Variants in PXDNL observed in about 807,000 individuals in gnomAD.
PXDNL encodes peroxidasin like, also known as probable oxidoreductase PXDNL.
PXDNL carries 145 observed loss-of-function variants against 150.8 expected under a neutral mutation model. That is an observed-to-expected ratio of 0.96 (90% CI 0.84 to 1.10). PXDNL has a LOEUF of 1.10. Among genes scored for constraint, PXDNL ranks in the 50% least tolerant of loss-of-function variants. The pLI is 0.00. For missense variants in PXDNL, 2,087 were observed against 1,873.9 expected (o/e 1.11, Z -2.10); for synonymous variants, 757 against 725.7 (o/e 1.04, Z -0.69).
intron 1 of PXDNL, among the ~76,000 whole-genome samples, chr8:51,750,523 A>G (rs557807056): frequency 6.6e-6 from 1 of 152,052 alleles, no homozygotes; most frequent in Non-Finnish European, 1.5e-5. Flanking sequence ...TAATAATCGT[A>G]TGGGACCACT....
At chr8:51,466,846 T>C (rs547410658) in intron 8 of PXDNL, among the ~76,000 whole-genome samples, 5 of 152,312 alleles carry the variant, frequency 3.3e-5, no homozygotes. Flanking sequence ...CACAGTAATA[T>C]GCCATCTAGC....
chr8:51,747,654 C>T (rs911764005), intron 1 of PXDNL, among the ~76,000 whole-genome samples: 2 of 152,158 alleles, frequency 1.3e-5, no homozygotes, highest in Non-Finnish European at 1.5e-5. Context: ...TAGGGCAATG[C>T]TCCAGCTGTC....
chr8:51,622,124 C>T (rs1049580225), intron 2 of PXDNL, among the ~76,000 whole-genome samples: 1 of 152,258 alleles, frequency 6.6e-6, no homozygotes, highest in African/African-American at 2.4e-5. Context: ...GCTTTGCTGG[C>T]TTCCAAGATG....
At chr8:51,744,990 A>G (rs2036966756) in intron 1 of PXDNL, among the ~76,000 whole-genome samples, 1 of 22,850 alleles carries the variant, frequency 4.4e-5, no homozygotes, top group Non-Finnish European at 1.1e-4. Flanking sequence ...GAAAGAAAGA[A>G]AGGGAGGGAG....
At chr8:51,369,467 CTG>C (rs992245918) in intron 19 of PXDNL, among the ~76,000 whole-genome samples, 11 of 152,158 alleles carry the variant, frequency 7.2e-5, no homozygotes, top group Admixed American at 7.2e-4. Context: ...TCATTTTAAA[CTG>C]TCTTTTAATT....
intron 4 of PXDNL, among the ~76,000 whole-genome samples, chr8:51,555,923 A>G (rs1421286312): frequency 1.3e-5 from 2 of 152,178 alleles, no homozygotes; most frequent in Non-Finnish European, 2.9e-5. Context: ...AGGTTTTCAT[A>G]AAGTATCAAA....
At chr8:51,413,374 G>A (rs1177012044) in intron 14 of PXDNL, 116 bp from the exon 15 acceptor site, 1 of 631,562 alleles carries the variant, frequency 1.6e-6, no homozygotes, top group African/African-American at 1.8e-5. Flanking sequence ...AAACCTCTAA[G>A]ACAATGAAAA....
intron 5 of PXDNL, among the ~76,000 whole-genome samples, chr8:51,488,334 G>A (rs1474511249): frequency 1.3e-5 from 2 of 152,076 alleles, no homozygotes; most frequent in Non-Finnish European, 2.9e-5. Flanking sequence ...ACTGTGTGTC[G>A]CCCAGAGACC....
chr8:51,391,339 C>A (rs1444231013), intron 17 of PXDNL, among the ~76,000 whole-genome samples: 2 of 152,066 alleles, frequency 1.3e-5, no homozygotes, highest in Admixed American at 6.5e-5. Flanking sequence ...AATGGTTGAA[C>A]TAGTTTACAG....
chr8:51,451,489 C>T (rs779352121), intron 10 of PXDNL, among the ~76,000 whole-genome samples: 10 of 152,092 alleles, frequency 6.6e-5, no homozygotes, highest in South Asian at 2.1e-4. Context: ...TAGCACATGC[C>T]GAGATGAAGT....
chr8:51,481,603 G>A (rs536915295), intron 6 of PXDNL, among the ~76,000 whole-genome samples: 4 of 152,314 alleles, frequency 2.6e-5, no homozygotes, highest in South Asian at 2.1e-4. Context: ...CTGGCCTGGA[G>A]GCCTAGGAGG....
At chr8:51,557,689 T>A (rs1585578331) in intron 3 of PXDNL, among the ~76,000 whole-genome samples, 1 of 152,130 alleles carries the variant, frequency 6.6e-6, no homozygotes, top group Non-Finnish European at 1.5e-5. Flanking sequence ...GGTGGTTTGT[T>A]AAACACACCA....
intron 4 of PXDNL, among the ~76,000 whole-genome samples, chr8:51,517,833 A>T (rs181649625): frequency 1.8e-3 from 277 of 152,200 alleles, no homozygotes; most frequent in African/African-American, 6.4e-3. Context: ...ATTAATGACT[A>T]TTTTTTTAGC....
chr8:51,361,164 G>A (rs1806724938), intron 19 of PXDNL, among the ~76,000 whole-genome samples: 2 of 152,170 alleles, frequency 1.3e-5, no homozygotes, highest in South Asian at 4.1e-4. Flanking sequence ...CTCTGAGTTT[G>A]AGCAAATTTT....
chr8:51,691,191 A>G (rs1697123495), intron 1 of PXDNL, among the ~76,000 whole-genome samples: 1 of 152,094 alleles, frequency 6.6e-6, no homozygotes, highest in Non-Finnish European at 1.5e-5. Context: ...CCATTTGTCA[A>G]TTTTGGCTTT....
chr8:51,533,546 CA>C (rs1278610337), intron 4 of PXDNL, among the ~76,000 whole-genome samples: 1 of 143,540 alleles, frequency 7.0e-6, no homozygotes, highest in Non-Finnish European at 1.5e-5. Flanking sequence ...GATGCCGAGC[CA>C]AAGCTGGACG....
intron 2 of PXDNL, among the ~76,000 whole-genome samples, chr8:51,594,816 C>T (rs890158738): frequency 6.6e-6 from 1 of 151,734 alleles, no homozygotes; most frequent in Non-Finnish European, 1.5e-5. Flanking sequence ...GTTATAGAAA[C>T]GGTCATTTAT....
chr8:51,746,325 C>T (rs987452699), intron 1 of PXDNL, among the ~76,000 whole-genome samples: 1 of 152,170 alleles, frequency 6.6e-6, no homozygotes, highest in Admixed American at 6.5e-5. Flanking sequence ...ACAGTCCCAC[C>T]CCTAGTAGAA....
intron 21 of PXDNL, among the ~76,000 whole-genome samples, chr8:51,323,448 T>C (rs1032468228): frequency 6.6e-5 from 10 of 152,016 alleles, no homozygotes; most frequent in Admixed American, 6.5e-5. Flanking sequence ...TCCAGCTAAT[T>C]TTTTGTTGTT....
Sources: allele counts gnomAD v4.1 joint callset (sites outside exome capture counted in the v4.1 genomes callset), GRCh38; gene constraint gnomAD v4.1.1; transcripts MANE v1.5; gene names NCBI Gene and HGNC (gene_info 2026-07-23, HGNC 2026-07-21).